Variants in PLAC1 observed in about 807,000 individuals in gnomAD.
PLAC1 encodes placenta-specific protein 1.
For missense variants in PLAC1, 136 were observed against 163.2 expected (o/e 0.83, Z 0.91); for synonymous variants, 68 against 62.1 (o/e 1.09, Z -0.44).
At chrX:134,692,707 T>G (rs1043268365) in intron 2 of PLAC1, among the ~76,000 whole-genome samples, 1 of 111,714 alleles carries the variant, frequency 9.0e-6, no homozygotes, top group African/African-American at 3.3e-5. Flanking sequence ...AGTTAACTCA[T>G]AAATTATTCC....
intron 1 of PLAC1, among the ~76,000 whole-genome samples, chrX:134,750,682 C>T (rs970589311): frequency 1.0e-5 from 1 of 100,487 alleles, no homozygotes; most frequent in South Asian, 4.5e-4. Flanking sequence ...TATGACCGGA[C>T]GCAGTGGCTC....
intron 1 of PLAC1, among the ~76,000 whole-genome samples, chrX:134,619,967 T>A (rs901265391): frequency 7.1e-5 from 8 of 112,273 alleles, no homozygotes; most frequent in African/African-American, 2.6e-4. Flanking sequence ...TGTTTGTTTG[T>A]TCATTTGTTT....
intron 2 of PLAC1, among the ~76,000 whole-genome samples, chrX:134,709,045 A>G (rs1275223607): frequency 8.9e-6 from 1 of 112,098 alleles, no homozygotes; most frequent in Non-Finnish European, 1.9e-5. Context: ...TTGAAATAAA[A>G]AGTTTAGAAT....
intron 1 of PLAC1, chrX:134,606,097 C>G (rs1340413684): frequency 9.1e-6 from 1 of 110,451 alleles, no homozygotes; most frequent in Non-Finnish European, 1.9e-5. Context: ...AAAAAATTAG[C>G]TGGGTGTGGT....
upstream of PLAC1, among the ~76,000 whole-genome samples, chrX:134,662,570 C>CACAAA (rs1321302071): frequency 2.7e-5 from 3 of 111,934 alleles, no homozygotes; most frequent in Non-Finnish European, 5.6e-5. Context: ...TTGTGTAGCC[C>CACAAA]ACAAGCAAAG....
At chrX:134,585,492 C>A (rs2077995852) in intron 2 of PLAC1, among the ~76,000 whole-genome samples, 1 of 111,269 alleles carries the variant, frequency 9.0e-6, no homozygotes, top group South Asian at 3.8e-4. Context: ...TTATCTCATT[C>A]CACATGTGCT....
intron 2 of PLAC1, among the ~76,000 whole-genome samples, chrX:134,567,761 CAAA>C (rs397948329): frequency 3.4e-5 from 1 of 29,177 alleles, no homozygotes. Context: ...GACTCTGTCT[CAAA>C]AAAAAAAAAA....
chrX:134,607,751 C>G (rs1923724031), intron 1 of PLAC1: 1 of 111,651 alleles, frequency 9.0e-6, no homozygotes, highest in African/African-American at 3.3e-5. Flanking sequence ...TGAAGAGAGA[C>G]AGCATTTCCT....
chrX:134,754,501 TA>T (rs2078751859), intron 1 of PLAC1, among the ~76,000 whole-genome samples: 1 of 111,443 alleles, frequency 9.0e-6, no homozygotes, highest in African/African-American at 3.3e-5. Flanking sequence ...AATGACTGTC[TA>T]GGGGGAAGCC....
At chrX:134,720,647 A>G (rs147340792) in intron 2 of PLAC1, among the ~76,000 whole-genome samples, 2,327 of 112,175 alleles carry the variant, frequency 0.021, 33 homozygotes, top group Middle Eastern at 0.037. Context: ...CGCAAGTGAC[A>G]AAGGAAAAAA....
At position 134,607,645 on chromosome X, in the gene PLAC1, TAA is replaced by T. The variant is rs78775785; in HGVS notation, c.-130-5525_-130-5524del. ...ATTCATGGCATAATAGGTATATATG[TAA>T]AAAAAAAAAAAAGGCCTCTGGACTG... On this transcript the variant is annotated intron_variant, in intron 1 of 2. Transcript: ENST00000359237. 505 of 93,919 alleles carry T rather than the reference TAA, an allele frequency of 5.4e-3. 5 individuals carry two copies. Among genetic ancestry groups the T allele is most frequent in the African/African-American group, 0.017 (414 of 25,009 alleles). 7.7% of individuals were successfully genotyped at this position (93,919 alleles called of 1,213,427 possible).
intron 1 of PLAC1, among the ~76,000 whole-genome samples, chrX:134,742,246 G>A (rs1262107322): frequency 8.8e-6 from 1 of 113,256 alleles, no homozygotes. Context: ...GGCACTGAGA[G>A]CACAGGACTG....
At chrX:134,648,347 C>T (rs186104781) in intron 1 of PLAC1, among the ~76,000 whole-genome samples, 99 of 111,268 alleles carry the variant, frequency 8.9e-4, no homozygotes, top group African/African-American at 3.0e-3. Flanking sequence ...ATACCATAAA[C>T]GGAAGGAACC....
intron 1 of PLAC1, among the ~76,000 whole-genome samples, chrX:134,609,618 C>A (rs2078142637): frequency 8.9e-6 from 1 of 112,237 alleles, no homozygotes; most frequent in South Asian, 3.7e-4. Context: ...AAAATATATA[C>A]AACAGACATT....
At chrX:134,650,338 G>C (rs1271922955) in intron 1 of PLAC1, among the ~76,000 whole-genome samples, 1 of 111,667 alleles carries the variant, frequency 9.0e-6, no homozygotes, top group Non-Finnish European at 1.9e-5. Context: ...ACATCTTTCT[G>C]CTCCTACAGA....
intron 1 of PLAC1, among the ~76,000 whole-genome samples, chrX:134,741,938 G>A (rs1405818643): frequency 1.8e-5 from 2 of 111,366 alleles, no homozygotes; most frequent in East Asian, 5.7e-4. Context: ...AGATGGAAGT[G>A]GCTGTGGAGA....
At chrX:134,643,637 TATG>T (rs1258311123) in intron 1 of PLAC1, among the ~76,000 whole-genome samples, 21 of 111,770 alleles carry the variant, frequency 1.9e-4, no homozygotes, top group African/African-American at 6.8e-4. Context: ...GAAAAGATAA[TATG>T]ATCATTTCAA....
intron 2 of PLAC1, among the ~76,000 whole-genome samples, chrX:134,700,598 G>T (rs1271630101): frequency 8.9e-6 from 1 of 111,992 alleles, no homozygotes; most frequent in Non-Finnish European, 1.9e-5. Context: ...TAAAGTTTCA[G>T]GATCCAAAAT....
intron 2 of PLAC1, among the ~76,000 whole-genome samples, chrX:134,694,429 G>A (rs1022204557): frequency 9.0e-6 from 1 of 111,451 alleles, no homozygotes; most frequent in Non-Finnish European, 1.9e-5. Flanking sequence ...ATCCCTAGCT[G>A]GATCAGCTGA....
Sources: gnomAD v4.1 joint callset for allele counts (sites outside exome capture counted in the v4.1 genomes callset) on GRCh38, gnomAD v4.1.1 for gene constraint, MANE v1.5 for transcripts, NCBI Gene and HGNC (gene_info 2026-07-23, HGNC 2026-07-21) for gene names.